The following CRYZ variants were observed in gnomAD, a reference collection of about 807,000 sequenced individuals.
The protein encoded by CRYZ is crystallin zeta.
CRYZ carries 35 observed loss-of-function variants against 34.1 expected under a neutral mutation model. The ratio of observed to expected loss-of-function variants is 1.03; its 90% CI spans 0.78 to 1.36. CRYZ has a LOEUF of 1.36. Among genes scored for constraint, CRYZ ranks in the 40% most tolerant of loss-of-function variants. The probability of loss-of-function intolerance (pLI) is 0.00; values close to 1 mark genes in which losing one functional copy is unlikely to be tolerated. For missense variants in CRYZ, 403 were observed against 391.8 expected (o/e 1.03, Z -0.24); for synonymous variants, 137 against 136.5 (o/e 1.00, Z -0.03).
At chr1:74,724,900 C>A in intron 1 of CRYZ, 66 bp from the exon 2 acceptor site, 2 of 888,762 alleles carry the variant, frequency 2.3e-6, no homozygotes, top group Admixed American at 2.4e-5. Flanking sequence ...TTTTTCCCCC[C>A]TGGAGGGAGC....
chr1:74,725,377 T>C (rs1053533488), intron 1 of CRYZ, among the ~76,000 whole-genome samples: 50 of 152,132 alleles, frequency 3.3e-4, no homozygotes, highest in Non-Finnish European at 7.4e-5. Context: ...GGAGAAGCAA[T>C]GGCATGTCTT....
chr1:74,709,408 T>C (rs1646971695), intron 6 of CRYZ, among the ~76,000 whole-genome samples: 1 of 152,064 alleles, frequency 6.6e-6, no homozygotes, highest in South Asian at 2.1e-4. Context: ...GCAAGATGAT[T>C]GCAAAAAAGG....
At chr1:74,722,865 CACAGTTCATTCTGTGG>C (rs1472056485) in intron 3 of CRYZ, among the ~76,000 whole-genome samples, 13 of 151,892 alleles carry the variant, frequency 8.6e-5, no homozygotes, top group African/African-American at 3.1e-4. Context: ...TAAAAAAAAT[CACAGTTCATTCTGTGG>C]GGACATGAAG....
intron 2 of CRYZ, among the ~76,000 whole-genome samples, chr1:74,723,746 T>C (rs567515567): frequency 6.6e-5 from 10 of 152,250 alleles, no homozygotes; most frequent in Admixed American, 2.6e-4. Flanking sequence ...TGAAGACGGG[T>C]TGGGTGGCAG....
chr1:74,719,819 T>C (rs1378838176), intron 3 of CRYZ, among the ~76,000 whole-genome samples: 3 of 151,952 alleles, frequency 2.0e-5, no homozygotes, highest in Non-Finnish European at 4.4e-5. Flanking sequence ...ATACTTCACA[T>C]TTAAAAATAT....
intron 3 of CRYZ, among the ~76,000 whole-genome samples, chr1:74,722,254 C>T (rs1647175888): frequency 6.6e-6 from 1 of 151,936 alleles, no homozygotes; most frequent in South Asian, 2.1e-4. Flanking sequence ...ACAGAAGCTG[C>T]AGAAAAAGTT....
chr1:74,732,437 C>T lies in CRYZ; in HGVS notation c.-14+519G>A, dbSNP rs572726201. Among the ~76,000 whole-genome samples the T allele has an allele frequency of 2.6e-5, 4 of 151,504 alleles. No individual in the cohort carries two copies. In the South Asian group the frequency reaches 6.3e-4, roughly 24 times the overall value. ...AGGGGCCCTACCTAGGAGAAGAAATCCCCTACAGCTGGGCTGTGGGAAGGG... is the reference window on the plus strand; with the variant it reads ...AGGGGCCCTACCTAGGAGAAGAAATTCCCTACAGCTGGGCTGTGGGAAGGG... On this transcript the variant is annotated intron_variant, in intron 1 of 8. Transcript: ENST00000340866.
chr1:74,710,367 G>T, intron 5 of CRYZ, 120 bp from the exon 6 acceptor site: 1 of 840,766 alleles, frequency 1.2e-6, no homozygotes. Context: ...ACTTAAGAGT[G>T]TAAATGAAGA....
At chr1:74,726,274 C>T (rs1392540608) in intron 1 of CRYZ, among the ~76,000 whole-genome samples, 1 of 152,220 alleles carries the variant, frequency 6.6e-6, no homozygotes, top group Non-Finnish European at 1.5e-5. Flanking sequence ...ATACCTCTGC[C>T]TGGACATTCA....
At chr1:74,707,071 G>T (rs1557720052) in intron 7 of CRYZ, 32 bp downstream of exon 7, 3 of 1,317,914 alleles carry the variant, frequency 2.3e-6, no homozygotes, top group Non-Finnish European at 3.1e-6. Flanking sequence ...CATTAAAGTG[G>T]TAAAAAAAAA....
At chr1:74,722,620 G>GTA (rs35250670) in intron 3 of CRYZ, among the ~76,000 whole-genome samples, 17 of 151,446 alleles carry the variant, frequency 1.1e-4, no homozygotes, top group South Asian at 4.2e-4. Context: ...GTGTGTGTGT[G>GTA]TATATATATA....
chr1:74,732,197 G>C (rs1647806466), intron 1 of CRYZ, among the ~76,000 whole-genome samples: 1 of 148,338 alleles, frequency 6.7e-6, no homozygotes, highest in Admixed American at 6.7e-5. Flanking sequence ...ACAGCTGACA[G>C]GTGGGCTGTG....
intron 4 of CRYZ, among the ~76,000 whole-genome samples, chr1:74,715,061 C>T (rs1314986468): frequency 6.6e-6 from 1 of 152,138 alleles, no homozygotes; most frequent in African/African-American, 2.4e-5. Context: ...TCCAAGTAAA[C>T]ACAGTAGCTA....
chr1:74,711,727 T>C (rs1647006418), intron 5 of CRYZ, among the ~76,000 whole-genome samples: 2 of 152,068 alleles, frequency 1.3e-5, no homozygotes, highest in African/African-American at 4.8e-5. Flanking sequence ...CACTCCAGTC[T>C]GGGCAACGGA....
At chr1:74,708,931 A>C (rs564072679) in intron 6 of CRYZ, 13 of 152,308 alleles carry the variant, frequency 8.5e-5, no homozygotes, top group African/African-American at 2.4e-4. Flanking sequence ...AACCTGTTTC[A>C]AAGAAATGTG....
In CRYZ at chr1:74,726,337, C is replaced by T. The variant is rs141879714; in HGVS notation, c.-13-1503G>A. Among the ~76,000 whole-genome samples, 190 of 152,356 alleles carry T rather than the reference C, an allele frequency of 1.2e-3. 2 individuals are homozygous for T. The highest frequency in any genetic ancestry group is 4.3e-3 in the African/African-American group (179 of 41,592). On this transcript the variant is annotated intron_variant, in intron 1 of 8. Coordinates refer to ENST00000340866, the MANE Select transcript of CRYZ (RefSeq NM_001889.4). ...AGGTGGAAGTTCCCAAACCTCAATTCTTGACTCTTGTGCACTGGCAGGCCC... is the reference window on the plus strand; with the variant it reads ...AGGTGGAAGTTCCCAAACCTCAATTTTTGACTCTTGTGCACTGGCAGGCCC...
chr1:74,719,347 C>T lies in CRYZ; in HGVS notation c.290G>A (p.Ser97Asn). ...CTCTGCATAACCCCCAGAGATCGTGCTGCTAGTGAAAACTCTGTCACCTTT... is the reference window on the plus strand; with the variant it reads ...CTCTGCATAACCCCCAGAGATCGTGTTGCTAGTGAAAACTCTGTCACCTTT... ...FKKGDRVFTS[S>N]TISGGYAEYA... is the part of the protein sequence containing the mutation. The change falls in exon 4 of 9, where the codon AGC becomes AAC. Residue 97 changes from serine (S) to asparagine (N), a missense_variant. By Grantham distance (46) the Ser-to-Asn change is conservative (BLOSUM62 1). Transcript: ENST00000340866. 2 of 1,611,848 alleles carry T rather than the reference C, an allele frequency of 1.2e-6. No individual in the cohort carries two copies. The highest frequency in any genetic ancestry group is 1.7e-6 in the Non-Finnish European group (2 of 1,178,182).
chr1:74,718,408 A>C (rs1228348135), intron 4 of CRYZ, among the ~76,000 whole-genome samples: 1 of 152,104 alleles, frequency 6.6e-6, no homozygotes, highest in Admixed American at 6.6e-5. Context: ...AAAGCATTTC[A>C]TTACTTCCAG....
chr1:74,708,595 A>G (rs1423724766), intron 6 of CRYZ: 1 of 152,178 alleles, frequency 6.6e-6, no homozygotes, highest in Non-Finnish European at 1.5e-5. Context: ...AAAATGAGGT[A>G]ACCAACTTGC....
Sources: allele counts gnomAD v4.1 joint callset (sites outside exome capture counted in the v4.1 genomes callset), GRCh38; gene constraint gnomAD v4.1.1; transcripts MANE v1.5; gene names NCBI Gene and HGNC (gene_info 2026-07-23, HGNC 2026-07-21).